The following C4orf54 variants were observed in gnomAD, a reference collection of about 807,000 sequenced individuals.
The protein encoded by C4orf54 is chromosome 4 open reading frame 54, also known as uncharacterized protein C4orf54.
C4orf54 carries 67 observed loss-of-function variants against 80.1 expected under a neutral mutation model. That is an observed-to-expected ratio of 0.84 (90% confidence interval 0.69 to 1.03). The LOEUF (loss-of-function observed/expected upper bound fraction) is 1.03. C4orf54 is among the 50% of genes least tolerant of loss of function. The pLI is 0.00. For missense variants in C4orf54, 2,434 were observed against 2,253.5 expected (o/e 1.08, Z -1.62); for synonymous variants, 1,000 against 917.0 (o/e 1.09, Z -1.64).
Position 99,649,789 on chromosome 4 carries a change from C to G in C4orf54, c.4860G>C (p.Gln1620His). Residue 1620 changes from glutamine to histidine, a missense_variant, in exon 2 of 3, where the codon CAG (glutamine) becomes CAC (histidine). Gln to His is a conservative substitution (Grantham distance 24). Coordinates refer to ENST00000511828, the MANE Select transcript of C4orf54 (RefSeq NM_001354435.2). ...GTACTGGTGTGTCCACCAGATAGTA[C>G]TGGCCTGTTGTCACATCCAGGAGCA... ...RKMLLDVTTG[Q>H]YYLVDTPVQP... 6.5e-7 allele frequency: 1 copy of G among 1,536,224 alleles called. No individual in the cohort carries two copies. The highest frequency in any genetic ancestry group is 8.7e-7 in the Non-Finnish European group (1 of 1,146,904).
Position 99,650,944 on chromosome 4 carries a change from G to A in C4orf54, c.3705C>T (p.Leu1235=). ...KASTQKTPEK[L]KEEEVKEEGK... is the part of the protein sequence containing the mutation. Reference sequence around the variant, plus strand: ...CTTCCTCCTTGACCTCCTCCTCCTTGAGCTTCTCTGGGGTCTTCTGGGTGG... The same window carrying A: ...CTTCCTCCTTGACCTCCTCCTCCTTAAGCTTCTCTGGGGTCTTCTGGGTGG... The change falls in exon 2 of 3, where the codon CTC becomes CTT. Residue 1235 remains leucine (L), a synonymous_variant. Transcript: ENST00000511828. 1 of 1,536,030 alleles carries A rather than the reference G, an allele frequency of 6.5e-7. No homozygotes were observed. The highest frequency in any genetic ancestry group is 8.7e-7 in the Non-Finnish European group (1 of 1,146,910).
In C4orf54 at chr4:99,654,118, C is replaced by A. The variant is rs1307539996; in HGVS notation, c.531G>T (p.Gln177His). 2 of 1,536,056 alleles carry A rather than the reference C, an allele frequency of 1.3e-6. No individual in the cohort carries two copies. The highest frequency in any genetic ancestry group is 1.7e-6 in the Non-Finnish European group (2 of 1,146,928). The change falls in exon 2 of 3, where the codon CAG (glutamine) becomes CAT (histidine). Residue 177 changes from glutamine to histidine, a missense_variant. Physicochemically the swap from Gln to His is conservative, Grantham distance 24. Transcript: ENST00000511828. The part of the protein sequence containing the change: ...SAQDSQELKQ[Q>H]LWPLPKPSAS... ...CTGAAGGCTTGGGAAGTGGCCACAGCTGCTGCTTGAGCTCCTGGCTGTCTT... is the reference window on the plus strand; with the variant it reads ...CTGAAGGCTTGGGAAGTGGCCACAGATGCTGCTTGAGCTCCTGGCTGTCTT...
Position 99,654,459 on chromosome 4 carries a change from T to C in C4orf54, c.190A>G (p.Thr64Ala), listed in dbSNP as rs1229633249. The part of the protein sequence containing the change: ...AAAPQPQTTS[T>A]ASSRSLPTSL... Reference sequence around the variant, plus strand: ...GTGGGAAGGCTCCTGGATGAGGCGGTGGAGGTGGTCTGTGGCTGGGGGGCT... The same window carrying C: ...GTGGGAAGGCTCCTGGATGAGGCGGCGGAGGTGGTCTGTGGCTGGGGGGCT... The change falls in exon 2 of 3, where the codon ACC becomes GCC. Residue 64 changes from threonine (T) to alanine (A), a missense_variant. Coordinates refer to ENST00000511828, the MANE Select transcript of C4orf54 (RefSeq NM_001354435.2). 4.2e-6 allele frequency: 3 copies of C among 713,562 alleles called. No homozygotes were observed. The Admixed American group carries it at 6.0e-5, about 14-fold the overall frequency. 44.2% of individuals were successfully genotyped at this position (713,562 alleles called of 1,614,324 possible). A position where few individuals can be genotyped will look rare whatever the true frequency, so the allele number is the denominator to read the frequency against.
At chr4:99,643,779 CA>C (rs1420908073) in intron 2 of C4orf54, among the ~76,000 whole-genome samples, 3 of 143,710 alleles carry the variant, frequency 2.1e-5, no homozygotes, top group Admixed American at 7.2e-5. Flanking sequence ...CACACACACA[CA>C]CACACACACA....
In C4orf54 at chr4:99,653,248, G is replaced by T; in HGVS notation, c.1401C>A (p.Thr467=). 2 of 1,532,020 alleles carry T rather than the reference G, an allele frequency of 1.3e-6. No individual in the cohort carries two copies. Among genetic ancestry groups the T allele is most frequent in the Non-Finnish European group, 1.7e-6 (2 of 1,144,084 alleles). The allele number at this position is 1,532,020 out of a possible 1,614,324, so 94.9% of individuals were successfully genotyped here. ...AGRSGRDTSS[T]EVGSGPSDSG... ...TGTCAGAGGGGCCACTGCCCACTTC[G>T]GTGCTGCTGGTGTCGCGGCCACTGC... The change falls in exon 2 of 3, where the codon ACC becomes ACA. Residue 467 remains threonine (T), a synonymous_variant. Transcript: ENST00000511828.
At position 99,650,407 on chromosome 4, in the gene C4orf54, C is replaced by A. The variant is rs1402681667; in HGVS notation, c.4242G>T (p.Lys1414Asn). 2.0e-6 allele frequency: 3 copies of A among 1,536,126 alleles called. No individual in the cohort carries two copies. The highest frequency in any genetic ancestry group is 1.7e-6 in the Non-Finnish European group (2 of 1,146,900). The change falls in exon 2 of 3, where the codon AAG becomes AAT. Residue 1414 changes from lysine (K) to asparagine (N), a missense_variant. Coordinates refer to ENST00000511828, the MANE Select transcript of C4orf54 (RefSeq NM_001354435.2). ...SIQKTGGVAG[K>N]FPQGPSPESP... ...TCTCCGGAGAAGGCCCTTGTGGGAACTTGCCAGCGACACCCCCAGTTTTCT... is the reference window on the plus strand; with the variant it reads ...TCTCCGGAGAAGGCCCTTGTGGGAAATTGCCAGCGACACCCCCAGTTTTCT...
In C4orf54 at chr4:99,653,928, G is replaced by T. The variant is rs1377557889; in HGVS notation, c.721C>A (p.Pro241Thr). The T allele has an allele frequency of 1.3e-6, 2 of 1,536,276 alleles. No individual in the cohort carries two copies. The highest frequency in any genetic ancestry group is 2.0e-5 in the Admixed American group (1 of 50,998). Reference protein sequence around the residue: ...KAQDEPSSKTPSPQNNPASSQ... With the variant: ...KAQDEPSSKTTSPQNNPASSQ... ...GAGGCAGGATTGTTCTGGGGGCTTG[G>T]AGTCTTGCTGCTGGGTTCATCTTGG... is the stretch of plus-strand genomic sequence containing the variant. The change falls in exon 2 of 3, where the codon CCA (proline) becomes ACA (threonine). Residue 241 changes from proline to threonine, a missense_variant. Transcript: ENST00000511828.
At position 99,652,492 on chromosome 4, in the gene C4orf54, G is replaced by A. The variant is rs1002381138; in HGVS notation, c.2157C>T (p.Phe719=). Residue 719 remains phenylalanine (F), a synonymous_variant, in exon 2 of 3, where the codon TTC becomes TTT. Coordinates refer to ENST00000511828, the MANE Select transcript of C4orf54 (RefSeq NM_001354435.2). The part of the protein sequence containing the change: ...SKKSQTKALE[F]VVSKVEGEIK... ...TTTCCCCCTCGACTTTGCTGACCAC[G>A]AACTCCAAGGCCTTGGTCTGAGACT... 26 of 1,535,670 alleles carry A rather than the reference G, an allele frequency of 1.7e-5. No individual in the cohort carries two copies. The highest frequency in any genetic ancestry group is 2.2e-5 in the Non-Finnish European group (25 of 1,146,700).
chr4:99,639,637 T>TC lies in C4orf54; in HGVS notation c.*1595dup, dbSNP rs1726571338. ...GCTGACTATTCCCGCCTCAAACCTT[T>TC]CCCTATACCCAAGAGAACTTTTTTT... is the stretch of plus-strand genomic sequence containing the variant. On this transcript the variant is annotated 3_prime_UTR_variant, in exon 3 of 3. Coordinates refer to ENST00000511828, the MANE Select transcript of C4orf54 (RefSeq NM_001354435.2). The TC allele has an allele frequency of 6.6e-6, 1 of 152,068 alleles. No homozygotes were observed. 9.4% of individuals were successfully genotyped at this position (152,068 alleles called of 1,614,324 possible). A position where few individuals can be genotyped will look rare whatever the true frequency, so the allele number is the denominator to read the frequency against.
In C4orf54 at chr4:99,651,451, C is replaced by T; in HGVS notation, c.3198G>A (p.Glu1066=). 6.5e-7 allele frequency: 1 copy of T among 1,536,302 alleles called. No individual in the cohort carries two copies. The highest frequency in any genetic ancestry group is 8.7e-7 in the Non-Finnish European group (1 of 1,146,926). ...GSASNLFKTI[E]DNSRAQQKLF... is the part of the protein sequence containing the mutation. ...GTTTCTGCTGTGCCCTGCTGTTGTC[C>T]TCGATGGTCTTGAACAGGTTAGAGG... The change falls in exon 2 of 3, where the codon GAG becomes GAA. Residue 1066 remains glutamate, a synonymous_variant. Transcript: ENST00000511828.
Position 99,639,786 on chromosome 4 carries a change from G to C in C4orf54, c.*1447C>G, listed in dbSNP as rs1234053312. On this transcript the variant is annotated 3_prime_UTR_variant, in exon 3 of 3. Transcript: ENST00000511828. ...AAATCATACAAAACTCAGTCTCCTA[G>C]TTTTTTACTCACACTTTTTGTCATG... 1.3e-5 allele frequency: 2 copies of C among 152,020 alleles called. No homozygotes were observed. The highest frequency in any genetic ancestry group is 2.4e-5 in the African/African-American group (1 of 41,416). 9.4% of individuals were successfully genotyped at this position (152,020 alleles called of 1,614,324 possible).
In C4orf54 at chr4:99,651,852, T is replaced by C; in HGVS notation, c.2797A>G (p.Lys933Glu). 6.5e-7 allele frequency: 1 copy of C among 1,536,152 alleles called. No homozygotes were observed. Among genetic ancestry groups the C allele is most frequent in the South Asian group, 1.2e-5 (1 of 84,060 alleles). ...EIKKSASETV[K>E]GIFLRSQNSA... ...TTCTGACTACGGAGGAAGATGCCCT[T>C]GACGGTCTCTGAGGCACTCTTTTTA... The change falls in exon 2 of 3, where the codon AAG becomes GAG. Residue 933 changes from lysine to glutamate, a missense_variant. Physicochemically the swap from Lys to Glu is moderately conservative, Grantham distance 56 (BLOSUM62 1). Transcript: ENST00000511828.
intron 1 of C4orf54, among the ~76,000 whole-genome samples, chr4:99,656,560 T>C (rs1460426742): frequency 1.3e-5 from 2 of 152,234 alleles, no homozygotes; most frequent in Non-Finnish European, 2.9e-5. Context: ...ATTACAGGCG[T>C]GAGCCACAAT....
intron 2 of C4orf54, among the ~76,000 whole-genome samples, chr4:99,644,208 T>G (rs1726659683): frequency 6.6e-6 from 1 of 152,200 alleles, no homozygotes; most frequent in Admixed American, 6.5e-5. Flanking sequence ...AAACAGAGAT[T>G]AAAAATAGTA....
Position 99,641,845 on chromosome 4 carries a change from G to C in C4orf54, c.*37-649C>G, listed in dbSNP as rs544312566. 7.0e-4 allele frequency among the ~76,000 whole-genome samples: 107 copies of C among 152,112 alleles called. 2 individuals are homozygous for C. The highest frequency in any genetic ancestry group is 5.0e-3 in the South Asian group (24 of 4,814). On this transcript the variant is annotated intron_variant, in intron 2 of 2. Coordinates refer to ENST00000511828, the MANE Select transcript of C4orf54 (RefSeq NM_001354435.2). ...TAAGTAAGTTTTTTTTAACATTTGG[G>C]AGTTGATATTTGAACATAATATTAT...
chr4:99,648,176 G>C (rs1242426954), intron 2 of C4orf54, among the ~76,000 whole-genome samples: 1 of 151,832 alleles, frequency 6.6e-6, no homozygotes, highest in Non-Finnish European at 1.5e-5. Context: ...TCCCCACACA[G>C]TTCTGACACC....
rs1726584178 is a variant in C4orf54, at chr4:99,640,292, A to G, written c.*941T>C. On this transcript the variant is annotated 3_prime_UTR_variant, in exon 3 of 3. Transcript: ENST00000511828. ...AGCGAGGCTAGGGCTGGAGTGAATC[A>G]GAGCCACTGAATTAGTGCCATATTC... 6.6e-6 allele frequency: 1 copy of G among 152,206 alleles called. No homozygotes were observed. Among genetic ancestry groups the G allele is most frequent in the African/African-American group, 2.4e-5 (1 of 41,460 alleles). 9.4% of individuals were successfully genotyped at this position (152,206 alleles called of 1,614,324 possible).
In C4orf54 at chr4:99,651,251, G is replaced by T. The variant is rs1324098510; in HGVS notation, c.3398C>A (p.Pro1133His). ...SVTPEQGLTG[P>H]KPRQLSAAAG... ...TGCTGCAGACAGCTGCCTGGGTTTG[G>T]GTCCAGTCAGCCCCTGCTCTGGGGT... Residue 1133 changes from proline to histidine, a missense_variant, in exon 2 of 3, where the codon CCC becomes CAC. By Grantham distance (77) the Pro-to-His change is moderately conservative. Coordinates refer to ENST00000511828, the MANE Select transcript of C4orf54 (RefSeq NM_001354435.2). 2 of 1,535,998 alleles carry T rather than the reference G, an allele frequency of 1.3e-6. No individual in the cohort carries two copies. The highest frequency in any genetic ancestry group is 1.7e-6 in the Non-Finnish European group (2 of 1,146,916).
rs1465742304 is a variant in C4orf54 at position 99,650,651 on chromosome 4, C to G, written c.3998G>C (p.Arg1333Pro). Residue 1333 changes from arginine (R) to proline (P), a missense_variant, in exon 2 of 3, where the codon CGA becomes CCA. By Grantham distance (103) the Arg-to-Pro change is moderately radical. Transcript: ENST00000511828. ...CTGCAGACGTTCTATGGGGGCCCCT[C>G]GCAGGACCACACCAGCTTTGTTTCC... The part of the protein sequence containing the change: ...GTGNKAGVVL[R>P]GAPIERLQRR... The G allele has an allele frequency of 5.9e-6, 9 of 1,536,080 alleles. No individual in the cohort carries two copies. Among genetic ancestry groups the G allele is most frequent in the Non-Finnish European group, 7.8e-6 (9 of 1,146,896 alleles).
Sources: allele counts gnomAD v4.1 joint callset (sites outside exome capture counted in the v4.1 genomes callset), GRCh38; gene constraint gnomAD v4.1.1; transcripts MANE v1.5; gene names NCBI Gene and HGNC (gene_info 2026-07-23, HGNC 2026-07-21).